SLC24A2: variants seen among roughly 807,000 people sequenced by gnomAD.
The protein encoded by SLC24A2 is sodium/potassium/calcium exchanger 2.
SLC24A2 carries 36 observed loss-of-function variants against 62.0 expected under a neutral mutation model. The observed-to-expected ratio is 0.58, with a 90% confidence interval of 0.44 to 0.77. SLC24A2 has a LOEUF of 0.77. SLC24A2 is among the 30% of genes least tolerant of loss of function. The probability of loss-of-function intolerance (pLI) is 0.00; values close to 1 mark genes in which losing one functional copy is unlikely to be tolerated. For missense variants in SLC24A2, 846 were observed against 817.9 expected, an observed-to-expected ratio of 1.03 and a Z score of -0.42; for synonymous variants, 358 against 294.0, an observed-to-expected ratio of 1.22 and a Z score of -2.23.
chr9:20,176,361 A>G, the SLC24A2 span, among the ~76,000 whole-genome samples: 1 of 152,164 alleles, frequency 6.6e-6, no homozygotes, highest in African/African-American at 2.4e-5. Flanking sequence ...TGAATCAGAT[A>G]GTAAATCATA....
At chr9:20,187,190 T>C in the SLC24A2 span, among the ~76,000 whole-genome samples, 2,636 of 152,310 alleles carry the variant, frequency 0.017, 80 homozygotes, top group African/African-American at 0.061. Context: ...AGCACCATTC[T>C]ATAATGGAAC....
At chr9:19,847,389 T>C in the SLC24A2 span, among the ~76,000 whole-genome samples, 1 of 152,224 alleles carries the variant, frequency 6.6e-6, no homozygotes, top group African/African-American at 2.4e-5. Flanking sequence ...AATGTTTCTC[T>C]TTTAGCCTTG....
the SLC24A2 span, among the ~76,000 whole-genome samples, chr9:20,042,311 C>G: frequency 4.6e-5 from 7 of 152,168 alleles, no homozygotes; most frequent in Non-Finnish European, 8.8e-5. Context: ...AGAGAGAAAT[C>G]TGAACTGAGT....
chr9:20,007,991 G>A, the SLC24A2 span, among the ~76,000 whole-genome samples: 2 of 144,010 alleles, frequency 1.4e-5, no homozygotes, highest in African/African-American at 2.6e-5. Context: ...CACCTCCTGG[G>A]TTCAAGCGAT....
At chr9:20,098,767 G>A in the SLC24A2 span, among the ~76,000 whole-genome samples, 1 of 152,168 alleles carries the variant, frequency 6.6e-6, no homozygotes, top group Non-Finnish European at 1.5e-5. Context: ...GTAAAACACA[G>A]GACGAAGGGA....
chr9:20,258,847 A>G, the SLC24A2 span, among the ~76,000 whole-genome samples: 6 of 144,390 alleles, frequency 4.2e-5, no homozygotes, highest in East Asian at 6.1e-4. Context: ...CTATCTATCT[A>G]TCTATCTAAT....
Position 19,786,315 on chromosome 9 carries a change from C to A in SLC24A2, c.552G>T (p.Gly184=). ...VAGATFMAAG[G]SAPELFTSLI... ...GAGATGTGAAAAGTTCTGGGGCTGA[C>A]CCTCCTGCAGCCATGAAGGTGGCTC... Residue 184 remains glycine (G), a synonymous_variant, in exon 2 of 11, where the codon GGG becomes GGT. Coordinates refer to ENST00000341998, the MANE Select transcript of SLC24A2 (RefSeq NM_020344.4). This position sits in a 1 kb window ranked among gnomAD's most constrained non-coding sequence, Gnocchi z 5.0. 6.2e-7 allele frequency: 1 copy of A among 1,614,134 alleles called. No homozygotes were observed. Among genetic ancestry groups the A allele is most frequent in the Non-Finnish European group, 8.5e-7 (1 of 1,180,030 alleles).
chr9:19,795,941 TA>T, the SLC24A2 span, among the ~76,000 whole-genome samples: 104,757 of 151,334 alleles, frequency 0.69, 40,299 homozygotes, highest in Non-Finnish European at 0.87. Context: ...TATACAGCCA[TA>T]AAAAAATGAT....
chr9:20,105,355 A>C, the SLC24A2 span, among the ~76,000 whole-genome samples: 2 of 152,144 alleles, frequency 1.3e-5, no homozygotes, highest in Non-Finnish European at 2.9e-5. Context: ...GACCTAATAG[A>C]CATCTACAGA....
chr9:19,567,150 AAAAT>A (rs1285838187), intron 7 of SLC24A2, among the ~76,000 whole-genome samples: 3 of 150,290 alleles, frequency 2.0e-5, no homozygotes, highest in Non-Finnish European at 3.0e-5. Flanking sequence ...TATAATAAAA[AAAAT>A]AAACCTAGAA....
the SLC24A2 span, among the ~76,000 whole-genome samples, chr9:20,017,910 G>C: frequency 6.6e-6 from 1 of 152,106 alleles, no homozygotes; most frequent in Non-Finnish European, 1.5e-5. Context: ...AATCTCCTTT[G>C]GCAACACCCT....
At chr9:20,211,267 C>CT in the SLC24A2 span, among the ~76,000 whole-genome samples, 15 of 152,148 alleles carry the variant, frequency 9.9e-5, no homozygotes, top group African/African-American at 3.4e-4. Context: ...AATCCTAGCA[C>CT]TTTGAGAGGC....
chr9:19,516,633 G>C (rs1223829942), intron 10 of SLC24A2, among the ~76,000 whole-genome samples: 1 of 151,258 alleles, frequency 6.6e-6, no homozygotes, highest in Non-Finnish European at 1.5e-5. Flanking sequence ...AGGGAGAACA[G>C]TTAGACAACA....
At chr9:19,734,905 C>T (rs946022222) in intron 2 of SLC24A2, among the ~76,000 whole-genome samples, 5 of 151,950 alleles carry the variant, frequency 3.3e-5, no homozygotes, top group African/African-American at 4.8e-5. Context: ...ACCATAAAAA[C>T]CCTAGAAGAA....
chr9:19,999,724 A>C, the SLC24A2 span, among the ~76,000 whole-genome samples: 1 of 152,260 alleles, frequency 6.6e-6, no homozygotes, highest in Non-Finnish European at 1.5e-5. Flanking sequence ...GTGAGCAGTT[A>C]TGGAATTACA....
intron 2 of SLC24A2, among the ~76,000 whole-genome samples, chr9:19,639,492 C>T (rs1818440163): frequency 6.6e-6 from 1 of 152,202 alleles, no homozygotes; most frequent in South Asian, 2.1e-4. Context: ...CTGGGGTGCC[C>T]GGCCAGCTGC....
chr9:20,055,628 C>T, the SLC24A2 span, among the ~76,000 whole-genome samples: 10 of 152,092 alleles, frequency 6.6e-5, no homozygotes, highest in African/African-American at 2.4e-4. Flanking sequence ...TGGTTCATGC[C>T]TATAATCCTA....
chr9:19,897,037 A>C, the SLC24A2 span, among the ~76,000 whole-genome samples: 1 of 152,186 alleles, frequency 6.6e-6, no homozygotes, highest in East Asian at 1.9e-4. Context: ...ATGGACCTAC[A>C]CTGATAGAAC....
intron 8 of SLC24A2, among the ~76,000 whole-genome samples, chr9:19,545,537 G>A (rs181934196): frequency 5.3e-5 from 8 of 152,134 alleles, no homozygotes; most frequent in East Asian, 1.9e-4. Flanking sequence ...CTTTTTGCGC[G>A]GGTTTCTCCC....
Sources: gnomAD v4.1 joint callset for allele counts (sites outside exome capture counted in the v4.1 genomes callset) on GRCh38, gnomAD v4.1.1 for gene constraint, Gnocchi (gnomAD v3.1) non-coding constraint, MANE v1.5 for transcripts, NCBI Gene and HGNC (gene_info 2026-07-23, HGNC 2026-07-21) for gene names.